SEL1L2: variants seen among roughly 807,000 people sequenced by gnomAD.
The protein encoded by SEL1L2 is protein sel-1 homolog 2.
In SEL1L2, 89 loss-of-function variants were observed where a neutral mutation model predicts 98.8. That is an observed-to-expected ratio of 0.90 (90% CI 0.76 to 1.07). The LOEUF is 1.07. SEL1L2 is among the 50% of genes least tolerant of loss of function. The probability of loss-of-function intolerance (pLI) is 0.00; values close to 1 mark genes in which losing one functional copy is unlikely to be tolerated. For synonymous variants in SEL1L2, 262 were observed against 278.5 expected, an observed-to-expected ratio of 0.94 and a Z score of 0.59; for missense variants, 788 against 812.0, an observed-to-expected ratio of 0.97 and a Z score of 0.36.
intron 3 of SEL1L2, among the ~76,000 whole-genome samples, chr20:13,929,263 T>A (rs985535911): frequency 6.6e-6 from 1 of 152,080 alleles, no homozygotes; most frequent in Non-Finnish European, 1.5e-5. Flanking sequence ...TACTATTTTT[T>A]TTTTTAATCT....
intron 1 of SEL1L2, among the ~76,000 whole-genome samples, chr20:13,974,276 C>A (rs1031130126): frequency 1.3e-5 from 2 of 152,014 alleles, no homozygotes; most frequent in African/African-American, 2.4e-5. Context: ...CTCTCTGATG[C>A]ATTTAAGAAG....
chr20:13,913,339 C>T (rs556660861), intron 5 of SEL1L2: 1 of 152,780 alleles, frequency 6.5e-6, no homozygotes, highest in Admixed American at 6.5e-5. Context: ...AGCAAAAGTA[C>T]AAAGCAGTCC....
chr20:13,991,568 A>G (rs1455009810), upstream of SEL1L2, among the ~76,000 whole-genome samples: 1 of 152,116 alleles, frequency 6.6e-6, no homozygotes, highest in Non-Finnish European at 1.5e-5. Context: ...TGACCACATC[A>G]TTTCAGTCTC....
intron 5 of SEL1L2, among the ~76,000 whole-genome samples, chr20:13,893,264 G>T (rs1163607094): frequency 6.6e-6 from 1 of 152,056 alleles, no homozygotes; most frequent in East Asian, 1.9e-4. Context: ...TCTCCAATCT[G>T]CAGATTGCTT....
chr20:13,962,129 C>T (rs2148471811), intron 1 of SEL1L2, among the ~76,000 whole-genome samples: 1 of 152,238 alleles, frequency 6.6e-6, no homozygotes, highest in East Asian at 1.9e-4. Context: ...ATGAAAGAGA[C>T]ATGAATCGTT....
intron 1 of SEL1L2, among the ~76,000 whole-genome samples, chr20:13,964,477 A>G (rs1465564977): frequency 3.5e-5 from 4 of 114,484 alleles, no homozygotes; most frequent in East Asian, 5.4e-4. Flanking sequence ...TCTGAGACAG[A>G]GTTTCGCTCT....
rs768040618 is a variant in SEL1L2 at position 13,870,166 on chromosome 20, T to C, written c.1142A>G (p.Tyr381Cys). ...AIGLHGLGLL[Y>C]FHGKGVPLNY... ...CAGGGGAACTCCTTTTCCATGAAAG[T>C]AAAGAAGACCAAGCCCATGAAGGCC... The change falls in exon 13 of 20, where the codon TAC becomes TGC. Residue 381 changes from tyrosine (Y) to cysteine (C), a missense_variant. Tyr to Cys is a radical substitution (Grantham distance 194, BLOSUM62 -2). Transcript: ENST00000284951. The C allele has an allele frequency of 6.2e-7, 1 of 1,610,796 alleles. No homozygotes were observed. Among genetic ancestry groups the C allele is most frequent in the Non-Finnish European group, 8.5e-7 (1 of 1,177,792 alleles).
chr20:13,849,660 A>T, intron 19 of SEL1L2, 56 bp from the exon 20 acceptor site: 2 of 1,592,216 alleles, frequency 1.3e-6, no homozygotes, highest in Non-Finnish European at 1.7e-6. Context: ...CTCCACTCAG[A>T]GCCACCATCT....
At chr20:13,935,651 T>G (rs1239237451) in intron 2 of SEL1L2, among the ~76,000 whole-genome samples, 1 of 151,970 alleles carries the variant, frequency 6.6e-6, no homozygotes, top group Non-Finnish European at 1.5e-5. Flanking sequence ...GGGGAAATAA[T>G]GAGGCAGAGA....
chr20:13,905,421 C>A (rs373504203), intron 5 of SEL1L2, among the ~76,000 whole-genome samples: 32 of 150,040 alleles, frequency 2.1e-4, no homozygotes, highest in East Asian at 1.0e-3. Context: ...TCATGCCATT[C>A]TGCCTCAACC....
chr20:13,884,009 T>A (rs1319326022), intron 10 of SEL1L2, among the ~76,000 whole-genome samples: 1 of 152,208 alleles, frequency 6.6e-6, no homozygotes, highest in African/African-American at 2.4e-5. Context: ...AACCGAGCTG[T>A]CTTGGGGTGC....
chr20:13,991,718 C>T (rs952634797), upstream of SEL1L2, among the ~76,000 whole-genome samples: 16 of 152,128 alleles, frequency 1.1e-4, no homozygotes, highest in African/African-American at 3.6e-4. Context: ...GTTGGCTGGG[C>T]GTGGCAGCTC....
At chr20:13,962,945 T>TA (rs1159540228) in intron 1 of SEL1L2, among the ~76,000 whole-genome samples, 1 of 151,742 alleles carries the variant, frequency 6.6e-6, no homozygotes, top group Non-Finnish European at 1.5e-5. Context: ...CATGCACCTA[T>TA]AATCCCAGCT....
intron 10 of SEL1L2, among the ~76,000 whole-genome samples, chr20:13,879,792 C>T (rs1031484787): frequency 6.6e-6 from 1 of 152,112 alleles, no homozygotes; most frequent in Non-Finnish European, 1.5e-5. Flanking sequence ...TAGCAATGTA[C>T]AAGTTACTAA....
chr20:13,939,975 T>C (rs981580570), intron 2 of SEL1L2, among the ~76,000 whole-genome samples: 4 of 152,200 alleles, frequency 2.6e-5, no homozygotes, highest in Non-Finnish European at 5.9e-5. Flanking sequence ...CCAAAACCCC[T>C]ATTCTTTAAA....
intron 5 of SEL1L2, among the ~76,000 whole-genome samples, chr20:13,901,308 G>T (rs1216350921): frequency 6.6e-6 from 1 of 151,900 alleles, no homozygotes; most frequent in Non-Finnish European, 1.5e-5. Flanking sequence ...CTGACCTCGT[G>T]ATCTGCCCGC....
intron 2 of SEL1L2, among the ~76,000 whole-genome samples, chr20:13,946,452 T>TA (rs1482822131): frequency 1.3e-5 from 2 of 152,296 alleles, no homozygotes; most frequent in African/African-American, 4.8e-5. Context: ...AGACTTGTAT[T>TA]AAAAAAACTA....
chr20:13,919,365 G>A (rs1458384222), intron 3 of SEL1L2, among the ~76,000 whole-genome samples: 1 of 152,196 alleles, frequency 6.6e-6, no homozygotes, highest in East Asian at 1.9e-4. Context: ...GGAAGGTGAA[G>A]TAGAAAGAGA....
chr20:13,871,676 T>TG (rs1449808327), intron 12 of SEL1L2, among the ~76,000 whole-genome samples: 3 of 3,516 alleles, frequency 8.5e-4, no homozygotes, highest in Non-Finnish European at 1.4e-3. Context: ...CATGCCCAGC[T>TG]GTTTTTCGTA....
Sources: allele counts gnomAD v4.1 joint callset (sites outside exome capture counted in the v4.1 genomes callset), GRCh38; gene constraint gnomAD v4.1.1; transcripts MANE v1.5; gene names NCBI Gene and HGNC (gene_info 2026-07-23, HGNC 2026-07-21).